Variants in PTPRN2 observed in about 807,000 individuals in gnomAD.
PTPRN2 encodes receptor-type tyrosine-protein phosphatase N2.
Under a neutral mutation model 118.8 loss-of-function variants are expected in PTPRN2, and 74 were observed. That is an observed-to-expected ratio of 0.62 (90% CI 0.52 to 0.76). The LOEUF is 0.76. Among genes scored for constraint, PTPRN2 ranks in the 30% least tolerant of loss-of-function variants. The pLI is 0.00. For missense variants in PTPRN2, 1,481 were observed against 1,394.4 expected (o/e 1.06, Z -0.99); for synonymous variants, 641 against 608.0 (o/e 1.05, Z -0.80).
intron 3 of PTPRN2, 65 bp downstream of exon 3, chr7:158,316,754 A>C (rs1802358682): frequency 4.1e-6 from 5 of 1,232,400 alleles, no homozygotes; most frequent in Non-Finnish European, 5.6e-6. Context: ...GCCCAGGAGG[A>C]GAAGCCAAGC....
chr7:157,633,291 C>T (rs1176450395), intron 14 of PTPRN2, among the ~76,000 whole-genome samples: 1 of 152,120 alleles, frequency 6.6e-6, no homozygotes, highest in Non-Finnish European at 1.5e-5. Flanking sequence ...CAGGTGCAAA[C>T]CATCATACGA....
chr7:158,057,574 T>C (rs1809889996), intron 11 of PTPRN2, among the ~76,000 whole-genome samples: 1 of 152,224 alleles, frequency 6.6e-6, no homozygotes, highest in Admixed American at 6.5e-5. Flanking sequence ...GCTGTGGCAC[T>C]GTGGCCTGGA....
At chr7:158,267,368 G>A (rs890897614) in intron 3 of PTPRN2, among the ~76,000 whole-genome samples, 10 of 152,186 alleles carry the variant, frequency 6.6e-5, no homozygotes, top group Non-Finnish European at 8.8e-5. Context: ...ACACTGGGGA[G>A]GGTGTGTGCT....
intron 2 of PTPRN2, among the ~76,000 whole-genome samples, chr7:158,443,437 A>C (rs957536923): frequency 1.3e-5 from 2 of 152,246 alleles, no homozygotes; most frequent in Admixed American, 1.3e-4. Context: ...CTGTTTCCCC[A>C]CTGACGGGTC....
chr7:158,138,212 G>A lies in PTPRN2; in HGVS notation c.1132+82C>T. The A allele has an allele frequency of 4.0e-6, 5 of 1,245,112 alleles. No individual in the cohort carries two copies. In the South Asian group the frequency reaches 4.2e-5, roughly 10 times the overall value. The allele number at this position is 1,245,112 out of a possible 1,614,324, so 77.1% of individuals were successfully genotyped here. Reference sequence around the variant, plus strand: ...GCAGAAAGCCCACATTGCACTTGGTGAGCCAGCAGTCTCTGCACAGCCCTG... The same window carrying A: ...GCAGAAAGCCCACATTGCACTTGGTAAGCCAGCAGTCTCTGCACAGCCCTG... On this transcript the variant is annotated intron_variant, in intron 7 of 22. Transcript: ENST00000389418.
intron 3 of PTPRN2, among the ~76,000 whole-genome samples, chr7:158,266,664 T>G (rs572104408): frequency 1.1e-4 from 17 of 152,266 alleles, no homozygotes; most frequent in South Asian, 6.2e-4. Flanking sequence ...CAACGGCCAC[T>G]TCCCGGCTTA....
At chr7:158,552,719 T>C (rs1187510897) in intron 1 of PTPRN2, among the ~76,000 whole-genome samples, 2 of 152,208 alleles carry the variant, frequency 1.3e-5, no homozygotes, top group Middle Eastern at 3.2e-3. Context: ...AGTTCTGGGA[T>C]TACAGGTGTG....
intron 11 of PTPRN2, among the ~76,000 whole-genome samples, chr7:158,070,851 G>A (rs1456192076): frequency 7.4e-6 from 1 of 135,112 alleles, no homozygotes; most frequent in African/African-American, 3.1e-5. Flanking sequence ...TGGTGGTATG[G>A]AGGTGCCCGT....
chr7:157,738,249 T>C (rs1447062435), intron 12 of PTPRN2, among the ~76,000 whole-genome samples: 1 of 152,138 alleles, frequency 6.6e-6, no homozygotes, highest in Admixed American at 6.5e-5. Context: ...AAGGCTGACA[T>C]TTCAACATTC....
chr7:157,609,878 T>C lies in PTPRN2; in HGVS notation c.2345-5803A>G, dbSNP rs1468505243. On this transcript the variant is annotated intron_variant, in intron 15 of 22. Coordinates refer to ENST00000389418, the MANE Select transcript of PTPRN2 (RefSeq NM_002847.5). The surrounding 1 kb of genome is among the most constrained non-coding windows in gnomAD (Gnocchi z 4.9). ...CCAACAGAAGAGACACATCCCACAA[T>C]TTCTTGTTGATTATTACTATGGCAA... Among the ~76,000 whole-genome samples the C allele has an allele frequency of 1.3e-5, 2 of 152,168 alleles. No homozygotes were observed. Among genetic ancestry groups the C allele is most frequent in the Admixed American group, 1.3e-4 (2 of 15,288 alleles).
intron 12 of PTPRN2, among the ~76,000 whole-genome samples, chr7:157,777,136 A>G (rs1214140588): frequency 6.6e-6 from 1 of 151,658 alleles, no homozygotes; most frequent in Admixed American, 6.6e-5. Flanking sequence ...TTCTCTTTTC[A>G]ACACTTTTAT....
intron 4 of PTPRN2, among the ~76,000 whole-genome samples, chr7:158,200,747 G>C (rs1390668103): frequency 6.6e-6 from 1 of 152,078 alleles, no homozygotes; most frequent in Non-Finnish European, 1.5e-5. Context: ...CTAATTTGAA[G>C]TTTAAAAACA....
chr7:158,450,119 G>A (rs930736950), intron 2 of PTPRN2, among the ~76,000 whole-genome samples: 7 of 152,210 alleles, frequency 4.6e-5, no homozygotes, highest in Non-Finnish European at 1.0e-4. Context: ...CTCTTCTTAC[G>A]AGAGCACTGG....
At chr7:158,066,334 G>A (rs1810772133) in intron 11 of PTPRN2, among the ~76,000 whole-genome samples, 1 of 152,216 alleles carries the variant, frequency 6.6e-6, no homozygotes, top group South Asian at 2.1e-4. Context: ...ATGAAATGAG[G>A]CTCTAAATAT....
chr7:157,596,307 G>A lies in PTPRN2; in HGVS notation c.2419-992C>T, dbSNP rs563999377. On this transcript the variant is annotated intron_variant, in intron 16 of 22. Transcript: ENST00000389418. The surrounding 1 kb of genome is among the most constrained non-coding windows in gnomAD (Gnocchi z 4.2). ...CCTGGGTCTGTGGCAGAGCCGGGGC[G>A]GAAGGGCCTTGCTGGGAGTGGCCTC... 1.0e-3 allele frequency among the ~76,000 whole-genome samples: 156 copies of A among 152,312 alleles called. No individual in the cohort carries two copies. The highest frequency in any genetic ancestry group is 1.9e-3 in the South Asian group (9 of 4,828).
intron 12 of PTPRN2, among the ~76,000 whole-genome samples, chr7:157,737,896 C>T (rs534369670): frequency 2.0e-5 from 3 of 152,294 alleles, no homozygotes; most frequent in Admixed American, 6.5e-5. Context: ...GAGGAGGCTC[C>T]GAGGGGCTCT....
chr7:157,961,147 T>C (rs1801502152), intron 11 of PTPRN2, among the ~76,000 whole-genome samples: 1 of 152,264 alleles, frequency 6.6e-6, no homozygotes, highest in Non-Finnish European at 1.5e-5. Context: ...ACAGTAGTTA[T>C]AGTTTATTAG....
At chr7:157,762,286 C>A (rs1802178649) in intron 12 of PTPRN2, among the ~76,000 whole-genome samples, 1 of 152,130 alleles carries the variant, frequency 6.6e-6, no homozygotes, top group Admixed American at 6.5e-5. Context: ...TATAAAGACA[C>A]ATGCACACGT....
chr7:158,470,526 C>T (rs988170569), intron 2 of PTPRN2, among the ~76,000 whole-genome samples: 1 of 152,150 alleles, frequency 6.6e-6, no homozygotes, highest in African/African-American at 2.4e-5. Context: ...GTGTGTCCCT[C>T]GACGGAGCAC....
Sources: gnomAD v4.1 joint callset for allele counts (sites outside exome capture counted in the v4.1 genomes callset) on GRCh38, gnomAD v4.1.1 for gene constraint, Gnocchi (gnomAD v3.1) non-coding constraint, MANE v1.5 for transcripts, NCBI Gene and HGNC (gene_info 2026-07-23, HGNC 2026-07-21) for gene names.